NEK10: variants seen among roughly 807,000 people sequenced by gnomAD.
NEK10 encodes serine/threonine-protein kinase Nek10.
Under a neutral mutation model 159.8 loss-of-function variants are expected in NEK10, and 122 were observed. The observed-to-expected ratio is 0.76, with a 90% CI of 0.66 to 0.89. The LOEUF (loss-of-function observed/expected upper bound fraction) is 0.89. Among genes scored for constraint, NEK10 ranks in the 40% least tolerant of loss-of-function variants. The pLI, the probability that NEK10 is intolerant of heterozygous loss-of-function variation, is 0.00. For missense variants in NEK10, 1,342 were observed against 1,323.1 expected, an observed-to-expected ratio of 1.01 and a Z score of -0.22; for synonymous variants, 466 against 457.1, an observed-to-expected ratio of 1.02 and a Z score of -0.25.
chr3:27,235,459 G>T (rs1461645698), intron 23 of NEK10, among the ~76,000 whole-genome samples: 1 of 152,082 alleles, frequency 6.6e-6, no homozygotes, highest in Non-Finnish European at 1.5e-5. Context: ...CAAAGGACAT[G>T]AACAAACACT....
At chr3:27,205,394 C>T (rs1405958762) in intron 23 of NEK10, among the ~76,000 whole-genome samples, 5 of 123,004 alleles carry the variant, frequency 4.1e-5, no homozygotes, top group East Asian at 2.3e-4. Flanking sequence ...GAGCCCGCAT[C>T]GCCAAGTCAA....
chr3:27,332,261 C>A (rs2046473634), intron 5 of NEK10, among the ~76,000 whole-genome samples: 1 of 152,124 alleles, frequency 6.6e-6, no homozygotes, highest in African/African-American at 2.4e-5. Context: ...GTAACTAGAG[C>A]AAAGCAAGAA....
intron 23 of NEK10, among the ~76,000 whole-genome samples, chr3:27,224,973 A>C (rs1188296769): frequency 6.6e-6 from 1 of 152,248 alleles, no homozygotes; most frequent in Admixed American, 6.5e-5. Context: ...CCACTGTGTT[A>C]GTCCAGGTTC....
rs183132992 is a variant in NEK10, at chr3:27,249,752, C to A, written c.2090+6544G>T. Among the ~76,000 whole-genome samples the A allele has an allele frequency of 2.7e-3, 410 of 152,202 alleles. 4 individuals carry two copies. The highest frequency in any genetic ancestry group is 9.6e-3 in the African/African-American group (398 of 41,548). The stretch of plus-strand genomic sequence containing the variant: ...ATTGATAAGTAAGAACTTATTCCTG[C>A]CATTTTGTCATTTATGTTTTCTGGT... On this transcript the variant is annotated intron_variant, in intron 23 of 35. Coordinates refer to ENST00000691995, the MANE Select transcript of NEK10 (RefSeq NM_001394966.1).
chr3:27,248,443 A>G lies in NEK10; in HGVS notation c.2090+7853T>C, dbSNP rs189395384. Among the ~76,000 whole-genome samples the G allele has an allele frequency of 1.5e-3, 226 of 152,094 alleles. 1 individual carries two copies. The highest frequency in any genetic ancestry group is 5.3e-3 in the African/African-American group (221 of 41,528). On this transcript the variant is annotated intron_variant, in intron 23 of 35. Coordinates refer to ENST00000691995, the MANE Select transcript of NEK10 (RefSeq NM_001394966.1). Reference sequence around the variant, plus strand: ...TGGCTTCTCTAGTTCTCTCAGATGCATCATTAGGTTATTTATTTGAAGTTT... The same window carrying G: ...TGGCTTCTCTAGTTCTCTCAGATGCGTCATTAGGTTATTTATTTGAAGTTT...
intron 29 of NEK10, among the ~76,000 whole-genome samples, chr3:27,170,240 T>C (rs2148858523): frequency 6.6e-6 from 1 of 152,276 alleles, no homozygotes; most frequent in South Asian, 2.1e-4. Flanking sequence ...CCCACAGCTC[T>C]GAAGAGCCCT....
chr3:27,107,607 T>C lies in NEK10; in HGVS notation c.*3665A>G, dbSNP rs1476992262. Among the ~76,000 whole-genome samples, 3 of 152,174 alleles carry C rather than the reference T, an allele frequency of 2.0e-5. No homozygotes were observed. Among genetic ancestry groups the C allele is most frequent in the Non-Finnish European group, 1.5e-5 (1 of 68,032 alleles). On this transcript the variant is annotated 3_prime_UTR_variant, in exon 36 of 36. Coordinates refer to ENST00000691995, the MANE Select transcript of NEK10 (RefSeq NM_001394966.1). ...TTGTTGAACATGAAGAATTTTATAT[T>C]TGGACAAAATTTCACCCAAGGAGTC...
At chr3:27,305,554 C>A (rs1168737990) in intron 11 of NEK10, among the ~76,000 whole-genome samples, 1 of 151,472 alleles carries the variant, frequency 6.6e-6, no homozygotes, top group African/African-American at 2.4e-5. Flanking sequence ...AAAAAACAAA[C>A]CTACTGACCA....
At chr3:27,240,341 A>T (rs1241197825) in intron 23 of NEK10, among the ~76,000 whole-genome samples, 1 of 152,206 alleles carries the variant, frequency 6.6e-6, no homozygotes, top group East Asian at 1.9e-4. Flanking sequence ...ATAGGTTGAC[A>T]TCACATATTT....
At chr3:27,177,554 AAAT>A (rs748277511) in intron 26 of NEK10, among the ~76,000 whole-genome samples, 2 of 136,972 alleles carry the variant, frequency 1.5e-5, no homozygotes, top group South Asian at 2.4e-4. Flanking sequence ...TCAAAAAAAA[AAAT>A]ATATATATAT....
rs1159188212 is a variant in NEK10 at position 27,307,840 on chromosome 3, C to G, written c.803+19G>C. 2 of 1,213,172 alleles carry G rather than the reference C, an allele frequency of 1.6e-6. No homozygotes were observed. The highest frequency in any genetic ancestry group is 1.5e-5 in the African/African-American group (1 of 67,178). The allele number at this position is 1,213,172 out of a possible 1,614,324, so 75.2% of individuals were successfully genotyped here. On this transcript the variant is annotated intron_variant, in intron 11 of 35. Transcript: ENST00000691995. Reference sequence around the variant, plus strand: ...AATAAAGGCACTGCATTGTCTTTTTCTACTGTTAGCAATCCTACCTTTTAG... The same window carrying G: ...AATAAAGGCACTGCATTGTCTTTTTGTACTGTTAGCAATCCTACCTTTTAG...
Position 27,174,714 on chromosome 3 carries a change from G to T in NEK10, c.2625C>A (p.Asp875Glu). 1.2e-6 allele frequency: 2 copies of T among 1,613,528 alleles called. No homozygotes were observed. Among genetic ancestry groups the T allele is most frequent in the Non-Finnish European group, 1.7e-6 (2 of 1,179,822 alleles). ...PEGFQASYGK[D>E]EDRACDEILS... ...GGATTTCGTCACAGGCCCTGTCTTC[G>T]TCTTTACCATAGGAGGCCTGGAAGC... Residue 875 changes from aspartate (D) to glutamate (E), a missense_variant, in exon 27 of 36, where the codon GAC becomes GAA. By Grantham distance (45) the Asp-to-Glu change is conservative. Coordinates refer to ENST00000691995, the MANE Select transcript of NEK10 (RefSeq NM_001394966.1).
chr3:27,231,028 C>T (rs1031237721), intron 23 of NEK10, among the ~76,000 whole-genome samples: 1 of 151,970 alleles, frequency 6.6e-6, no homozygotes, highest in Non-Finnish European at 1.5e-5. Context: ...CAGGTATTTA[C>T]AGAACACTCT....
chr3:27,340,717 A>T (rs775706389), intron 5 of NEK10, among the ~76,000 whole-genome samples: 1 of 152,164 alleles, frequency 6.6e-6, no homozygotes, highest in Non-Finnish European at 1.5e-5. Flanking sequence ...ACAGATGAGG[A>T]TGTGGATAAG....
In NEK10 at chr3:27,300,229, T is replaced by C. The variant is rs145116506; in HGVS notation, c.1168+1467A>G. Among the ~76,000 whole-genome samples, 28 of 152,322 alleles carry C rather than the reference T, an allele frequency of 1.8e-4. 1 individual carries two copies. The highest frequency in any genetic ancestry group is 5.5e-4 in the African/African-American group (23 of 41,566). On this transcript the variant is annotated intron_variant, in intron 13 of 35. Coordinates refer to ENST00000691995, the MANE Select transcript of NEK10 (RefSeq NM_001394966.1). ...GGTCTTTCCTGTGCTGTTCTCATGATAGTGAATGAGTCTCACTTGAGATCT... is the reference window on the plus strand; with the variant it reads ...GGTCTTTCCTGTGCTGTTCTCATGACAGTGAATGAGTCTCACTTGAGATCT...
intron 1 of NEK10, among the ~76,000 whole-genome samples, chr3:27,356,471 C>G (rs759434992): frequency 6.6e-6 from 1 of 152,152 alleles, no homozygotes; most frequent in Non-Finnish European, 1.5e-5. Flanking sequence ...CATGGTGTTA[C>G]TGCGTTCCAG....
At chr3:27,262,589 C>T (rs1045484042) in intron 22 of NEK10, among the ~76,000 whole-genome samples, 1 of 152,214 alleles carries the variant, frequency 6.6e-6, no homozygotes, top group Non-Finnish European at 1.5e-5. Context: ...ATTTGATCTT[C>T]CATCACTGAT....
At chr3:27,215,057 G>A (rs1951375406) in intron 23 of NEK10, 2 of 570,908 alleles carry the variant, frequency 3.5e-6, no homozygotes, top group Admixed American at 2.6e-5. Context: ...CCTCTTGGCC[G>A]GCTTCCCGCT....
chr3:27,272,163 C>T (rs1347567679), intron 22 of NEK10, among the ~76,000 whole-genome samples: 1 of 152,170 alleles, frequency 6.6e-6, no homozygotes, highest in African/African-American at 2.4e-5. Context: ...CTGTTCACAA[C>T]CTTTCACCCA....
Sources: gnomAD v4.1 joint callset for allele counts (sites outside exome capture counted in the v4.1 genomes callset) on GRCh38, gnomAD v4.1.1 for gene constraint, MANE v1.5 for transcripts, NCBI Gene and HGNC (gene_info 2026-07-23, HGNC 2026-07-21) for gene names.